The following GPLD1 variants were observed in gnomAD, a reference collection of about 807,000 sequenced individuals.
The protein encoded by GPLD1 is glycosylphosphatidylinositol specific phospholipase D1.
Under a neutral mutation model 112.6 loss-of-function variants are expected in GPLD1, and 84 were observed. The ratio of observed to expected loss-of-function variants is 0.75; its 90% confidence interval spans 0.63 to 0.89. The LOEUF is 0.89. Ranked by LOEUF, GPLD1 falls within the 40% of genes least tolerant of loss-of-function variation. GPLD1 has a pLI of 0.00. For missense variants in GPLD1, 1,044 were observed against 1,051.5 expected (o/e 0.99, Z 0.10); for synonymous variants, 386 against 403.8 (o/e 0.96, Z 0.53).
intron 7 of GPLD1, among the ~76,000 whole-genome samples, chr6:24,469,358 G>T (rs1185620678): frequency 7.7e-6 from 1 of 129,794 alleles, no homozygotes; most frequent in Non-Finnish European, 1.6e-5. Context: ...ATTCACAATA[G>T]CAAAGACTTG....
At chr6:24,450,272 G>A (rs1332853563) in intron 14 of GPLD1, among the ~76,000 whole-genome samples, 2 of 152,198 alleles carry the variant, frequency 1.3e-5, no homozygotes, top group African/African-American at 4.8e-5. Flanking sequence ...AGCACTTTGG[G>A]AGGCCTGAAC....
intron 3 of GPLD1, 84 bp from the exon 4 acceptor site, chr6:24,476,362 G>A (rs1252947562): frequency 2.8e-6 from 2 of 707,330 alleles, no homozygotes; most frequent in Middle Eastern, 2.4e-4. Flanking sequence ...CCGCTGCGCT[G>A]CTGTGTCCCT....
At chr6:24,458,068 G>A (rs79554492) in intron 12 of GPLD1, among the ~76,000 whole-genome samples, 28,018 of 150,708 alleles carry the variant, frequency 0.19, 2,885 homozygotes, top group African/African-American at 0.27. Context: ...ACACAAACGA[G>A]AGTGGCCCTG....
chr6:24,479,957 C>G lies in GPLD1; in HGVS notation c.156G>C (p.Leu52=), dbSNP rs867752373. 6.3e-7 allele frequency: 1 copy of G among 1,599,884 alleles called. No homozygotes were observed. Among genetic ancestry groups the G allele is most frequent in the Middle Eastern group, 1.7e-4 (1 of 6,032 alleles). Residue 52 remains leucine (L), a splice_region_variant and synonymous_variant, in exon 3 of 25, where the codon CTG becomes CTC. Transcript: ENST00000230036. ...LHNGRVNYRE[L]LLEHQDAYQA... ...GATACGCATCCTGGTGTTCTAGTAA[C>G]AGCTGCAGAGCAAGAAAATACAGAG...
chr6:24,435,931 AC>A (rs1246024385), intron 22 of GPLD1: 5 of 151,696 alleles, frequency 3.3e-5, no homozygotes, highest in African/African-American at 1.2e-4. Flanking sequence ...AAGAAATGAA[AC>A]AAAAAGCAAA....
At chr6:24,459,965 C>T (rs965709015) in intron 12 of GPLD1, among the ~76,000 whole-genome samples, 1 of 152,134 alleles carries the variant, frequency 6.6e-6, no homozygotes. Flanking sequence ...CTGGCATGAT[C>T]ATAGCTCACT....
At position 24,479,954 on chromosome 6, in the gene GPLD1, T is replaced by A; in HGVS notation, c.159A>T (p.Leu53Phe). The change falls in exon 3 of 25, where the codon TTA (leucine) becomes TTT (phenylalanine). Residue 53 changes from leucine (L) to phenylalanine (F), a missense_variant. Leu to Phe is a conservative substitution (Grantham distance 22). Coordinates refer to ENST00000230036, the MANE Select transcript of GPLD1 (RefSeq NM_001503.4). ...HNGRVNYREL[L>F]LEHQDAYQAG... ...CCTGATACGCATCCTGGTGTTCTAGTAACAGCTGCAGAGCAAGAAAATACA... is the reference window on the plus strand; with the variant it reads ...CCTGATACGCATCCTGGTGTTCTAGAAACAGCTGCAGAGCAAGAAAATACA... 1 of 1,602,792 alleles carries A rather than the reference T, an allele frequency of 6.2e-7. No homozygotes were observed. Among genetic ancestry groups the A allele is most frequent in the Non-Finnish European group, 8.5e-7 (1 of 1,169,866 alleles).
intron 12 of GPLD1, among the ~76,000 whole-genome samples, chr6:24,459,415 A>G (rs534214303): frequency 6.6e-6 from 1 of 150,574 alleles, no homozygotes; most frequent in East Asian, 2.0e-4. Context: ...TACCATGCCC[A>G]GCTGATTTTT....
intron 5 of GPLD1, among the ~76,000 whole-genome samples, chr6:24,474,613 G>C (rs932525083): frequency 6.6e-6 from 1 of 152,114 alleles, no homozygotes; most frequent in Non-Finnish European, 1.5e-5. Context: ...CTCTGCTCTT[G>C]TGGATGAATC....
intron 18 of GPLD1, 44 bp from the exon 19 acceptor site, chr6:24,445,875 G>C (rs1305038254): frequency 3.7e-6 from 5 of 1,368,216 alleles, no homozygotes; most frequent in Admixed American, 1.7e-5. Flanking sequence ...GCACAAGACT[G>C]ACAGCTGGCC....
At chr6:24,453,215 T>C (rs1763149877) in intron 14 of GPLD1, among the ~76,000 whole-genome samples, 1 of 152,190 alleles carries the variant, frequency 6.6e-6, no homozygotes, top group Non-Finnish European at 1.5e-5. Context: ...TTAATAGTGA[T>C]GTACAGTGTT....
At chr6:24,452,772 T>C (rs1400092726) in intron 14 of GPLD1, among the ~76,000 whole-genome samples, 1 of 72,922 alleles carries the variant, frequency 1.4e-5, no homozygotes, top group Admixed American at 1.4e-4. Flanking sequence ...AGAGTTTATC[T>C]CAAAAAAAAA....
chr6:24,427,845 CAAAAAAAA>C lies in GPLD1; in HGVS notation c.*1179_*1186del, dbSNP rs72112585. Reference sequence around the variant, plus strand: ...TGGGCAACAGAGCAAGACTCCGTCTCAAAAAAAAAAAAAAAAAAAAAGGACTATCATCC... The same window carrying C: ...TGGGCAACAGAGCAAGACTCCGTCTCAAAAAAAAAAAAAGGACTATCATCC... On this transcript the variant is annotated 3_prime_UTR_variant, in exon 25 of 25. Transcript: ENST00000230036. Among the ~76,000 whole-genome samples the C allele has an allele frequency of 1.1e-5, 1 of 87,632 alleles. No individual in the cohort carries two copies. Among genetic ancestry groups the C allele is most frequent in the Non-Finnish European group, 2.1e-5 (1 of 47,762 alleles). The allele number at this position is 87,632 out of a possible 152,430, so 57.5% of individuals were successfully genotyped here.
In GPLD1 at chr6:24,428,888, G is replaced by T; in HGVS notation, c.*144C>A. The T allele has an allele frequency of 1.9e-6, 1 of 523,886 alleles. No individual in the cohort carries two copies. The highest frequency in any genetic ancestry group is 3.1e-5 in the East Asian group (1 of 32,572). 32.5% of individuals were successfully genotyped at this position (523,886 alleles called of 1,614,324 possible). ...ATTTCCAGAGGGTGTGGCTGTTAGTGTGTCTCTCTACTCCCAGGAGCCCCA... is the reference window on the plus strand; with the variant it reads ...ATTTCCAGAGGGTGTGGCTGTTAGTTTGTCTCTCTACTCCCAGGAGCCCCA... On this transcript the variant is annotated 3_prime_UTR_variant, in exon 25 of 25. Coordinates refer to ENST00000230036, the MANE Select transcript of GPLD1 (RefSeq NM_001503.4).
intron 10 of GPLD1, among the ~76,000 whole-genome samples, chr6:24,466,464 C>T (rs572843209): frequency 3.9e-5 from 6 of 152,228 alleles, no homozygotes; most frequent in Admixed American, 1.3e-4. Context: ...TTCTAAAACA[C>T]GAGCAGCATC....
intron 12 of GPLD1, among the ~76,000 whole-genome samples, chr6:24,459,953 C>T (rs1763382360): frequency 6.6e-6 from 1 of 152,146 alleles, no homozygotes; most frequent in African/African-American, 2.4e-5. Flanking sequence ...GGCTGGAGTG[C>T]ACTGGCATGA....
At chr6:24,433,022 C>T (rs1762455980) in intron 24 of GPLD1, among the ~76,000 whole-genome samples, 165 bp downstream of exon 24, 1 of 152,220 alleles carries the variant, frequency 6.6e-6, no homozygotes, top group African/African-American at 2.4e-5. Context: ...AAAAGGGAAA[C>T]TTTCCACCAA....
intron 2 of GPLD1, among the ~76,000 whole-genome samples, chr6:24,481,293 G>A (rs1356691943): frequency 2.0e-5 from 3 of 151,038 alleles, no homozygotes; most frequent in African/African-American, 7.3e-5. Flanking sequence ...ATCTGCAAAT[G>A]AACTCTGATG....
At chr6:24,474,979 G>C (rs905232660) in intron 5 of GPLD1, 142 bp downstream of exon 5, 1 of 512,964 alleles carries the variant, frequency 1.9e-6, no homozygotes, top group Non-Finnish European at 3.5e-6. Flanking sequence ...AATTGGAAAA[G>C]ATGGGACTCT....
Sources: allele counts gnomAD v4.1 joint callset (sites outside exome capture counted in the v4.1 genomes callset), GRCh38; gene constraint gnomAD v4.1.1; transcripts MANE v1.5; gene names NCBI Gene and HGNC (gene_info 2026-07-23, HGNC 2026-07-21).